Variants in ZFP91 observed in about 807,000 individuals in gnomAD.
ZFP91 encodes the protein E3 ubiquitin-protein ligase ZFP91.
A neutral mutation model predicts 63.5 loss-of-function variants in ZFP91; 7 were observed. That is an observed-to-expected ratio of 0.11 (90% CI 0.06 to 0.21). The LOEUF is 0.21. ZFP91 is among the 10% of genes least tolerant of loss of function. ZFP91 has a pLI of 1.00. For synonymous variants in ZFP91, 330 were observed against 272.1 expected (o/e 1.21, Z -2.10); for missense variants, 628 against 736.6 (o/e 0.85, Z 1.71).
chr11:58,619,409 A>G lies in ZFP91; in HGVS notation c.*1703A>G, dbSNP rs1250268175. 7 of 152,226 alleles carry G rather than the reference A, an allele frequency of 4.6e-5. No individual in the cohort carries two copies. The highest frequency in any genetic ancestry group is 4.6e-4 in the Admixed American group (7 of 15,270). 9.4% of individuals were successfully genotyped at this position (152,226 alleles called of 1,614,324 possible). On this transcript the variant is annotated 3_prime_UTR_variant, in exon 11 of 11. Coordinates refer to ENST00000316059, the MANE Select transcript of ZFP91 (RefSeq NM_053023.5). ...TATCCTGTGTGCCTCAGAAGCTAGA[A>G]TCGAAGGCTTACCCTATTCATTGTT...
At position 58,579,083 on chromosome 11, in the gene ZFP91, G is replaced by C. The variant is rs1273827532; in HGVS notation, c.-199G>C. The C allele has an allele frequency of 5.4e-6, 2 of 368,012 alleles. No homozygotes were observed. The highest frequency in any genetic ancestry group is 9.1e-6 in the Non-Finnish European group (2 of 218,658). 22.8% of individuals were successfully genotyped at this position (368,012 alleles called of 1,614,324 possible). A position where few individuals can be genotyped will look rare whatever the true frequency, so the allele number is the denominator to read the frequency against. On this transcript the variant is annotated 5_prime_UTR_variant, in exon 1 of 11. Coordinates refer to ENST00000316059, the MANE Select transcript of ZFP91 (RefSeq NM_053023.5). ...CGTCTGTGGCGCGCGCGCGCGCGCC[G>C]CCAGCGGTAGCGGACCTTGAGTGGC...
Position 58,617,419 on chromosome 11 carries a change from T to C in ZFP91, c.1426T>C (p.Leu476=). The C allele has an allele frequency of 1.2e-6, 2 of 1,613,748 alleles. No homozygotes were observed. The highest frequency in any genetic ancestry group is 1.1e-5 in the South Asian group (1 of 91,020). Residue 476 remains leucine, a synonymous_variant, in exon 11 of 11, where the codon TTG becomes CTG. Transcript: ENST00000316059. This position sits in a 1 kb window ranked among gnomAD's most constrained non-coding sequence, Gnocchi z 4.2. ...AGALITSTDI[L]GTNPESLTQP... ...CGCCCTCATCACCAGCACAGATATC[T>C]TGGGCACTAACCCAGAGTCCCTGAC...
Position 58,620,615 on chromosome 11 carries a change from C to T in ZFP91, c.*2909C>T, listed in dbSNP as rs1448729577. On this transcript the variant is annotated 3_prime_UTR_variant, in exon 11 of 11. Transcript: ENST00000316059. ...AGTACTGGGAGTAAAATAAAAATAT[C>T]GAGGTATAGACTAGCATCCACATAG... 2.0e-5 allele frequency: 3 copies of T among 152,524 alleles called. No homozygotes were observed. Among genetic ancestry groups the T allele is most frequent in the South Asian group, 2.1e-4 (1 of 4,826 alleles). 9.4% of individuals were successfully genotyped at this position (152,524 alleles called of 1,614,324 possible). A position where few individuals can be genotyped will look rare whatever the true frequency, so the allele number is the denominator to read the frequency against.
At chr11:58,586,197 A>G (rs1855206113) in intron 2 of ZFP91, among the ~76,000 whole-genome samples, 1 of 152,228 alleles carries the variant, frequency 6.6e-6, no homozygotes, top group South Asian at 2.1e-4. Flanking sequence ...GATTAAAACA[A>G]AAAGCAACCT....
intron 2 of ZFP91, among the ~76,000 whole-genome samples, chr11:58,592,812 T>C (rs1307243785): frequency 6.6e-6 from 1 of 152,150 alleles, no homozygotes; most frequent in Non-Finnish European, 1.5e-5. Flanking sequence ...GAATGATTTG[T>C]AAAGAAAAGA....
chr11:58,620,597 G>A lies in ZFP91; in HGVS notation c.*2891G>A, dbSNP rs1370237036. ...ACTGGCCATGGCCGTGGGAGTACTG[G>A]GAGTAAAATAAAAATATCGAGGTAT... is the stretch of plus-strand genomic sequence containing the variant. On this transcript the variant is annotated 3_prime_UTR_variant, in exon 11 of 11. Transcript: ENST00000316059. The A allele has an allele frequency of 6.6e-6, 1 of 152,544 alleles. No individual in the cohort carries two copies. Among genetic ancestry groups the A allele is most frequent in the East Asian group, 1.9e-4 (1 of 5,198 alleles). The allele number at this position is 152,544 out of a possible 1,614,324, so 9.4% of individuals were successfully genotyped here.
chr11:58,583,410 A>C (rs1001548081), intron 1 of ZFP91, among the ~76,000 whole-genome samples: 1 of 152,102 alleles, frequency 6.6e-6, no homozygotes, highest in Non-Finnish European at 1.5e-5. Context: ...TTTTCTTGCT[A>C]AAATTAAAAC....
In ZFP91 at chr11:58,618,954, CTT is replaced by C; in HGVS notation, c.*1256_*1257del. 1 of 229,976 alleles carries C rather than the reference CTT, an allele frequency of 4.3e-6. No individual in the cohort carries two copies. Among genetic ancestry groups the C allele is most frequent in the Non-Finnish European group, 8.7e-6 (1 of 115,520 alleles). The allele number at this position is 229,976 out of a possible 1,614,324, so 14.2% of individuals were successfully genotyped here. A position where few individuals can be genotyped will look rare whatever the true frequency, so the allele number is the denominator to read the frequency against. ...GTTTCTTGTGAATTTGTTTCTTTTCCTTTTTTTTTGTCCCTACCATTTCCTTA... is the reference window on the plus strand; with the variant it reads ...GTTTCTTGTGAATTTGTTTCTTTTCCTTTTTTTGTCCCTACCATTTCCTTA... On this transcript the variant is annotated 3_prime_UTR_variant, in exon 11 of 11. Coordinates refer to ENST00000316059, the MANE Select transcript of ZFP91 (RefSeq NM_053023.5).
In ZFP91 at chr11:58,611,113, G is replaced by T. The variant is rs780067763; in HGVS notation, c.722+59G>T. ...GAAATATAAGTAGGAAAGCACTGTT[G>T]CATGCTTTTATTTTATCTGTTGCCA... On this transcript the variant is annotated intron_variant, in intron 5 of 10. Coordinates refer to ENST00000316059, the MANE Select transcript of ZFP91 (RefSeq NM_053023.5). The T allele has an allele frequency of 4.7e-6, 7 of 1,477,552 alleles. No individual in the cohort carries two copies. In the African/African-American group the frequency reaches 8.3e-5, roughly 18 times the overall value. 91.5% of individuals were successfully genotyped at this position (1,477,552 alleles called of 1,614,324 possible). A position where few individuals can be genotyped will look rare whatever the true frequency, so the allele number is the denominator to read the frequency against.
chr11:58,584,557 A>C (rs1327735304), intron 1 of ZFP91, among the ~76,000 whole-genome samples: 1 of 152,118 alleles, frequency 6.6e-6, no homozygotes, highest in Non-Finnish European at 1.5e-5. Context: ...AGGTGTTTTG[A>C]ATGATATTCT....
At position 58,617,889 on chromosome 11, in the gene ZFP91, G is replaced by A. The variant is rs936443478; in HGVS notation, c.*183G>A. On this transcript the variant is annotated 3_prime_UTR_variant, in exon 11 of 11. Transcript: ENST00000316059. This position sits in a 1 kb window ranked among gnomAD's most constrained non-coding sequence, Gnocchi z 4.2. Reference sequence around the variant, plus strand: ...CCTCCCCATCCCCTGTTCTCCCTCTGTTGCTCCCCTTATAAAATTGATGTT... The same window carrying A: ...CCTCCCCATCCCCTGTTCTCCCTCTATTGCTCCCCTTATAAAATTGATGTT... 4.2e-6 allele frequency: 3 copies of A among 712,804 alleles called. No individual in the cohort carries two copies. The highest frequency in any genetic ancestry group is 5.9e-6 in the Non-Finnish European group (3 of 509,786). The allele number at this position is 712,804 out of a possible 1,614,324, so 44.2% of individuals were successfully genotyped here. A position where few individuals can be genotyped will look rare whatever the true frequency, so the allele number is the denominator to read the frequency against.
At position 58,609,844 on chromosome 11, in the gene ZFP91, A is replaced by G; in HGVS notation, c.385A>G (p.Lys129Glu). Residue 129 changes from lysine (K) to glutamate (E), a missense_variant, in exon 3 of 11, where the codon AAA (lysine) becomes GAA (glutamate). Physicochemically the swap from Lys to Glu is moderately conservative, Grantham distance 56 (BLOSUM62 1). This residue lies in a region of ZFP91 where 437 missense variants were observed against 380.3 expected (regional missense o/e 1.15). Coordinates refer to ENST00000316059, the MANE Select transcript of ZFP91 (RefSeq NM_053023.5). Reference sequence around the variant, plus strand: ...TTTTTATTTAGATCCCAAGGAAGAAAAAGAGGAAGAAGACGATTCTGCCCT... The same window carrying G: ...TTTTTATTTAGATCCCAAGGAAGAAGAAGAGGAAGAAGACGATTCTGCCCT... ...VTTDKDPKEE[K>E]EEEDDSALPQ... is the part of the protein sequence containing the mutation. The G allele has an allele frequency of 6.2e-7, 1 of 1,614,204 alleles. No individual in the cohort carries two copies. Among genetic ancestry groups the G allele is most frequent in the Non-Finnish European group, 8.5e-7 (1 of 1,180,012 alleles).
chr11:58,612,623 A>G, intron 7 of ZFP91, 139 bp from the exon 8 acceptor site: 1 of 675,118 alleles, frequency 1.5e-6, no homozygotes, highest in Non-Finnish European at 2.5e-6. Flanking sequence ...ATTCTGTGTA[A>G]TCTGTATAGT....
At chr11:58,616,653 C>A (rs1392395166) in intron 9 of ZFP91, 63 bp from the exon 10 acceptor site, 10 of 1,415,102 alleles carry the variant, frequency 7.1e-6, no homozygotes, top group Non-Finnish European at 8.9e-6. Context: ...TGCTTACTTA[C>A]TGTAAGGGAA....
At chr11:58,611,923 T>C in intron 6 of ZFP91, 185 bp downstream of exon 6, 14 of 663,042 alleles carry the variant, frequency 2.1e-5, no homozygotes, top group Non-Finnish European at 2.7e-5. Flanking sequence ...AAAAAATGTT[T>C]AGGTTTTTCA....
chr11:58,585,507 T>TA (rs1855191791), intron 2 of ZFP91, among the ~76,000 whole-genome samples: 1 of 152,220 alleles, frequency 6.6e-6, no homozygotes, highest in Non-Finnish European at 1.5e-5. Context: ...AGTTTTTGGC[T>TA]GTGTTCCTTG....
chr11:58,583,872 T>G (rs1361551473), intron 1 of ZFP91, among the ~76,000 whole-genome samples: 1 of 152,080 alleles, frequency 6.6e-6, no homozygotes, highest in African/African-American at 2.4e-5. Flanking sequence ...TATAACATAT[T>G]GTAACATAAT....
Position 58,617,826 on chromosome 11 carries a change from C to T in ZFP91, c.*120C>T. On this transcript the variant is annotated 3_prime_UTR_variant, in exon 11 of 11. Coordinates refer to ENST00000316059, the MANE Select transcript of ZFP91 (RefSeq NM_053023.5). This position sits in a 1 kb window ranked among gnomAD's most constrained non-coding sequence, Gnocchi z 4.2. The stretch of plus-strand genomic sequence containing the variant: ...AAATAACTGAAGGGCCTGCTCTTTC[C>T]ATTGTGGATCACAGCACACACATAC... The T allele has an allele frequency of 7.4e-7, 1 of 1,358,784 alleles. No homozygotes were observed. The highest frequency in any genetic ancestry group is 9.6e-7 in the Non-Finnish European group (1 of 1,042,814). The allele number at this position is 1,358,784 out of a possible 1,614,324, so 84.2% of individuals were successfully genotyped here.
At chr11:58,599,533 A>G (rs1855459738) in intron 2 of ZFP91, among the ~76,000 whole-genome samples, 1 of 151,888 alleles carries the variant, frequency 6.6e-6, no homozygotes, top group Non-Finnish European at 1.5e-5. Flanking sequence ...TTAGTTAGCC[A>G]TTGTAGTATG....
Sources: allele counts gnomAD v4.1 joint callset (sites outside exome capture counted in the v4.1 genomes callset), GRCh38; gene constraint gnomAD v4.1.1; regional missense constraint gnomAD v4.1.1; non-coding constraint Gnocchi (gnomAD v3.1); transcripts MANE v1.5; gene names NCBI Gene and HGNC (gene_info 2026-07-23, HGNC 2026-07-21).